PRR16: variants seen among roughly 807,000 people sequenced by gnomAD.
PRR16 encodes the protein protein Largen.
Under a neutral mutation model 18.2 loss-of-function variants are expected in PRR16, and 6 were observed. The observed-to-expected ratio is 0.33, with a 90% confidence interval of 0.18 to 0.65. The LOEUF is 0.65. Ranked by LOEUF, PRR16 falls within the 30% of genes least tolerant of loss-of-function variation. The probability of loss-of-function intolerance (pLI) is 0.74; values close to 1 mark genes in which losing one functional copy is unlikely to be tolerated. For synonymous variants in PRR16, 151 were observed against 147.8 expected (o/e 1.02, Z -0.16); for missense variants, 412 against 376.6 (o/e 1.09, Z -0.78).
chr5:120,591,022 G>A (rs1333103293), intron 1 of PRR16, among the ~76,000 whole-genome samples: 2 of 152,048 alleles, frequency 1.3e-5, no homozygotes, highest in Admixed American at 6.6e-5. Flanking sequence ...TCTCACGCCT[G>A]TAATCCCAGC....
At chr5:120,497,865 C>T (rs10052334) in intron 1 of PRR16, among the ~76,000 whole-genome samples, 41,176 of 150,994 alleles carry the variant, frequency 0.27, 6,914 homozygotes, top group African/African-American at 0.48. Flanking sequence ...AATATAGTCA[C>T]TCTTGCTTTT....
At chr5:120,685,236 C>A (rs1344535758) in intron 1 of PRR16, among the ~76,000 whole-genome samples, 1 of 152,192 alleles carries the variant, frequency 6.6e-6, no homozygotes, top group Non-Finnish European at 1.5e-5. Flanking sequence ...CCATCTCTTT[C>A]CTCCTCTCAG....
chr5:120,549,814 A>C (rs1752196356), intron 1 of PRR16, among the ~76,000 whole-genome samples: 1 of 152,058 alleles, frequency 6.6e-6, no homozygotes, highest in South Asian at 2.1e-4. Context: ...CTATCCACAG[A>C]AACATTGCCA....
the PRR16 span, among the ~76,000 whole-genome samples, chr5:120,731,131 A>G: frequency 3.3e-5 from 5 of 152,186 alleles, no homozygotes; most frequent in African/African-American, 4.8e-5. Context: ...TTATATGTCA[A>G]CAGATCTCAG....
At chr5:120,561,391 G>A (rs528042992) in intron 1 of PRR16, among the ~76,000 whole-genome samples, 2 of 152,080 alleles carry the variant, frequency 1.3e-5, no homozygotes, top group African/African-American at 2.4e-5. Flanking sequence ...ATTCATGAGT[G>A]TATTGTTTAA....
At chr5:120,515,882 G>A (rs1311291708) in intron 1 of PRR16, among the ~76,000 whole-genome samples, 4 of 152,104 alleles carry the variant, frequency 2.6e-5, no homozygotes, top group Non-Finnish European at 5.9e-5. Context: ...AGTTATTTTT[G>A]TATATATTAT....
the PRR16 span, among the ~76,000 whole-genome samples, chr5:120,769,046 T>TGAGGACA: frequency 6.6e-6 from 1 of 151,588 alleles, no homozygotes; most frequent in Non-Finnish European, 1.5e-5. Context: ...ATAAAATACT[T>TGAGGACA]CTCAGTGTCC....
chr5:120,611,999 C>CT (rs1403773469), intron 1 of PRR16, among the ~76,000 whole-genome samples: 6 of 152,186 alleles, frequency 3.9e-5, no homozygotes, highest in Non-Finnish European at 5.9e-5. Context: ...GGGAACCCAC[C>CT]TCTTGCATCA....
At chr5:120,520,958 T>C (rs1751158728) in intron 1 of PRR16, among the ~76,000 whole-genome samples, 1 of 152,120 alleles carries the variant, frequency 6.6e-6, no homozygotes, top group Non-Finnish European at 1.5e-5. Context: ...TGGAAATTTG[T>C]CCACAAGAGG....
the PRR16 span, among the ~76,000 whole-genome samples, chr5:120,706,624 A>G: frequency 6.6e-6 from 1 of 152,240 alleles, no homozygotes; most frequent in East Asian, 1.9e-4. Flanking sequence ...AGAAAAAGTA[A>G]CATTTACTAA....
chr5:120,770,701 T>C, the PRR16 span, among the ~76,000 whole-genome samples: 1 of 151,988 alleles, frequency 6.6e-6, no homozygotes, highest in African/African-American at 2.4e-5. Flanking sequence ...ATAAAAAATA[T>C]AGGGAGCACC....
chr5:120,608,773 T>A (rs1754238277), intron 1 of PRR16, among the ~76,000 whole-genome samples: 1 of 152,226 alleles, frequency 6.6e-6, no homozygotes, highest in African/African-American at 2.4e-5. Flanking sequence ...ATTGCTTTTT[T>A]AAATTCCTGC....
At chr5:120,668,385 T>G (rs1249109047) in intron 1 of PRR16, among the ~76,000 whole-genome samples, 1 of 149,808 alleles carries the variant, frequency 6.7e-6, no homozygotes, top group East Asian at 2.0e-4. Flanking sequence ...TACAGCACAC[T>G]GATGGGTCTT....
chr5:120,699,326 T>A, the PRR16 span, among the ~76,000 whole-genome samples: 8 of 152,196 alleles, frequency 5.3e-5, no homozygotes, highest in Non-Finnish European at 1.2e-4. Context: ...TTAGGCCTGG[T>A]GGAACCGCCG....
chr5:120,554,455 A>C (rs1752349639), intron 1 of PRR16, among the ~76,000 whole-genome samples: 1 of 151,946 alleles, frequency 6.6e-6, no homozygotes, highest in African/African-American at 2.4e-5. Context: ...TTGTTTTGTT[A>C]ATATTTAATG....
chr5:120,706,463 A>G, the PRR16 span, among the ~76,000 whole-genome samples: 2 of 152,156 alleles, frequency 1.3e-5, no homozygotes, highest in Non-Finnish European at 2.9e-5. Flanking sequence ...CTGTTTCTTC[A>G]TTTAACAAAA....
the PRR16 span, among the ~76,000 whole-genome samples, chr5:120,758,970 ATTTCTTTTT>A: frequency 9.0e-6 from 1 of 111,444 alleles, no homozygotes; most frequent in Non-Finnish European, 1.9e-5. Context: ...TTGTACCATA[ATTTCTTTTT>A]TTTTTTTTTT....
At chr5:120,608,793 G>T (rs1754238913) in intron 1 of PRR16, among the ~76,000 whole-genome samples, 1 of 152,036 alleles carries the variant, frequency 6.6e-6, no homozygotes, top group Admixed American at 6.6e-5. Flanking sequence ...CCATGATCCA[G>T]GTTCTATTTG....
chr5:120,785,852 A>G, the PRR16 span, among the ~76,000 whole-genome samples: 532 of 151,464 alleles, frequency 3.5e-3, 3 homozygotes, highest in African/African-American at 0.012. Context: ...TACAGATGTG[A>G]GCTACCGCGC....
Sources: gnomAD v4.1 joint callset for allele counts (sites outside exome capture counted in the v4.1 genomes callset) on GRCh38, gnomAD v4.1.1 for gene constraint, MANE v1.5 for transcripts, NCBI Gene and HGNC (gene_info 2026-07-23, HGNC 2026-07-21) for gene names.